Variants in CD101 observed in about 807,000 individuals in gnomAD.
The protein encoded by CD101 is immunoglobulin superfamily member 2.
A neutral mutation model predicts 98.2 loss-of-function variants in CD101; 76 were observed. The observed-to-expected ratio is 0.77, with a 90% CI of 0.64 to 0.94. The LOEUF (loss-of-function observed/expected upper bound fraction) is 0.94, where lower values mean the gene tolerates loss of function less well. Ranked by LOEUF, CD101 falls within the 40% of genes least tolerant of loss-of-function variation. The probability of loss-of-function intolerance (pLI) is 0.00; values close to 1 mark genes in which losing one functional copy is unlikely to be tolerated. For missense variants in CD101, 1,145 were observed against 1,218.8 expected, an observed-to-expected ratio of 0.94 and a Z score of 0.90; for synonymous variants, 471 against 472.7, an observed-to-expected ratio of 1.00 and a Z score of 0.05.
At chr1:117,029,186 A>AGAAAGAAG in intron 8 of CD101, among the ~76,000 whole-genome samples, 1 of 94,180 alleles carries the variant, frequency 1.1e-5, no homozygotes, top group Non-Finnish European at 2.1e-5. Flanking sequence ...AAAGAAAGAA[A>AGAAAGAAG]GAAAGAAAGA....
chr1:117,025,729 C>T lies in CD101; in HGVS notation c.2649C>T (p.His883=), dbSNP rs534163385. Reference sequence around the variant, plus strand: ...AAGAGGGGCTCAGGAGGCACCTGCACTGTTACCGTTCATCCTCTACAGACT... The same window carrying T: ...AAGAGGGGCTCAGGAGGCACCTGCATTGTTACCGTTCATCCTCTACAGACT... ...YGEEGLRRHL[H]CYRSSSTDFV... Residue 883 remains histidine (H), a synonymous_variant, in exon 8 of 10, where the codon CAC becomes CAT. Transcript: ENST00000682167. 414 of 1,614,198 alleles carry T rather than the reference C, an allele frequency of 2.6e-4. No homozygotes were observed. The highest frequency in any genetic ancestry group is 3.4e-4 in the Non-Finnish European group (400 of 1,180,044).
At chr1:117,017,570 G>C in intron 5 of CD101, 97 bp downstream of exon 5, 1 of 1,252,572 alleles carries the variant, frequency 8.0e-7, no homozygotes, top group Non-Finnish European at 1.1e-6. Flanking sequence ...CCCCAGTGAT[G>C]GTATGTGTAC....
intron 8 of CD101, among the ~76,000 whole-genome samples, chr1:117,030,632 T>G (rs56984207): frequency 0.029 from 4,416 of 152,288 alleles, 227 homozygotes; most frequent in African/African-American, 0.1. Flanking sequence ...CACATGGCAT[T>G]CAACAAATGC....
intron 1 of CD101, among the ~76,000 whole-genome samples, chr1:117,009,370 C>T (rs1652738337): frequency 6.6e-6 from 1 of 152,236 alleles, no homozygotes; most frequent in Non-Finnish European, 1.5e-5. Context: ...CAGATAGTTC[C>T]AACCAACCAG....
intron 1 of CD101, among the ~76,000 whole-genome samples, chr1:117,007,319 C>A (rs143008058): frequency 6.6e-6 from 1 of 152,052 alleles, no homozygotes; most frequent in African/African-American, 2.4e-5. Flanking sequence ...ACCATGCAAT[C>A]ACTTTCCTGA....
chr1:117,035,706 T>C (rs927395552), intron 9 of CD101, among the ~76,000 whole-genome samples: 4 of 151,970 alleles, frequency 2.6e-5, no homozygotes, highest in Non-Finnish European at 4.4e-5. Flanking sequence ...CCCGCCACCA[T>C]GCCTGGCTAA....
chr1:117,003,615 T>C (rs965221984), intron 1 of CD101, among the ~76,000 whole-genome samples: 1 of 152,236 alleles, frequency 6.6e-6, no homozygotes, highest in African/African-American at 2.4e-5. Flanking sequence ...GTTTACATTG[T>C]GCAATAATTC....
chr1:117,021,042 G>A lies in CD101; in HGVS notation c.2018-531G>A, dbSNP rs1434534959. On this transcript the variant is annotated intron_variant, in intron 6 of 9. Transcript: ENST00000682167. This position sits in a 1 kb window ranked among gnomAD's most constrained non-coding sequence, Gnocchi z 4.7. ...GACACACACAGTTTTAATCACTCAT[G>A]TACAACTTCCTTTTGTTTACCCACG... Among the ~76,000 whole-genome samples the A allele has an allele frequency of 6.6e-6, 1 of 152,176 alleles. No homozygotes were observed. The highest frequency in any genetic ancestry group is 1.5e-5 in the Non-Finnish European group (1 of 68,028).
intron 1 of CD101, among the ~76,000 whole-genome samples, chr1:117,003,932 C>T (rs76094317): frequency 0.02 from 3,056 of 152,218 alleles, 110 homozygotes; most frequent in African/African-American, 0.07. Context: ...ATTTAAATAA[C>T]GATCTATTGA....
Position 117,017,468 on chromosome 1 carries a change from C to G in CD101, c.1607C>G (p.Ser536Cys). ...WTQKISVTVK[S>C]LESSLQVSLM... ...CAGAAGATTTCAGTTACTGTAAAGT[C>G]TCTGGGTAAGTGTCAAAGGAAGTCC... Residue 536 changes from serine (S) to cysteine (C), a missense_variant, in exon 5 of 10, where the codon TCT becomes TGT. By Grantham distance (112) the Ser-to-Cys change is moderately radical (BLOSUM62 -1). Coordinates refer to ENST00000682167, the MANE Select transcript of CD101 (RefSeq NM_001256106.3). The G allele has an allele frequency of 1.2e-6, 2 of 1,607,212 alleles. No individual in the cohort carries two copies. The highest frequency in any genetic ancestry group is 1.3e-5 in the African/African-American group (1 of 74,916).
Position 117,018,507 on chromosome 1 carries a change from C to T in CD101, c.1964C>T (p.Pro655Leu). 1 of 1,612,506 alleles carries T rather than the reference C, an allele frequency of 6.2e-7. No homozygotes were observed. The highest frequency in any genetic ancestry group is 8.5e-7 in the Non-Finnish European group (1 of 1,178,640). ...YDRNSLYNNRPPRASAISHPL... is the reference protein window; with the variant it reads ...YDRNSLYNNRLPRASAISHPL... ...AGAAATTCCCTATACAACAACCGCC[C>T]CCCGAGGGCTTCTGCCATCTCTCAC... Residue 655 changes from proline (P) to leucine (L), a missense_variant, in exon 6 of 10, where the codon CCC becomes CTC. Coordinates refer to ENST00000682167, the MANE Select transcript of CD101 (RefSeq NM_001256106.3). The surrounding 1 kb of genome is among the most constrained non-coding windows in gnomAD (Gnocchi z 4.3).
At chr1:117,007,661 T>C (rs914851485) in intron 1 of CD101, among the ~76,000 whole-genome samples, 2 of 152,304 alleles carry the variant, frequency 1.3e-5, no homozygotes, top group Admixed American at 6.5e-5. Flanking sequence ...TCCTGCCTTT[T>C]TGCTAATGAT....
rs1652445724 is a variant in CD101, at chr1:117,004,951, G to A, written c.43+3091G>A. Among the ~76,000 whole-genome samples, 1 of 152,150 alleles carries A rather than the reference G, an allele frequency of 6.6e-6. No homozygotes were observed. The highest frequency in any genetic ancestry group is 2.1e-4 in the South Asian group (1 of 4,816). The stretch of plus-strand genomic sequence containing the variant: ...CTAAGATCAAGGCACTGGCAGTTTG[G>A]TGTCAGTGAGGGCCTGTTCCTCATA... On this transcript the variant is annotated intron_variant, in intron 1 of 9. Transcript: ENST00000682167. This position sits in a 1 kb window ranked among gnomAD's most constrained non-coding sequence, Gnocchi z 4.1.
intron 4 of CD101, among the ~76,000 whole-genome samples, chr1:117,015,103 T>C (rs141286679): frequency 1.0e-3 from 153 of 152,034 alleles, no homozygotes; most frequent in African/African-American, 3.5e-3. Context: ...AATAGTTCTT[T>C]GTATAGGCTG....
chr1:117,004,624 G>T lies in CD101; in HGVS notation c.43+2764G>T, dbSNP rs1047026065. Among the ~76,000 whole-genome samples, 21 of 152,140 alleles carry T rather than the reference G, an allele frequency of 1.4e-4. No individual in the cohort carries two copies. The highest frequency in any genetic ancestry group is 5.1e-4 in the African/African-American group (21 of 41,426). On this transcript the variant is annotated intron_variant, in intron 1 of 9. Coordinates refer to ENST00000682167, the MANE Select transcript of CD101 (RefSeq NM_001256106.3). The surrounding 1 kb of genome is among the most constrained non-coding windows in gnomAD (Gnocchi z 4.1). ...CATTAAAAGAGAGAGCAAGAGGGCA[G>T]TCCTCACAGGTGTTTTTCGGAGGGT...
chr1:117,033,873 T>G lies in CD101; in HGVS notation c.2838T>G (p.Pro946=). Residue 946 remains proline (P), a synonymous_variant, in exon 9 of 10, where the codon CCT becomes CCG. Coordinates refer to ENST00000682167, the MANE Select transcript of CD101 (RefSeq NM_001256106.3). The surrounding 1 kb of genome is among the most constrained non-coding windows in gnomAD (Gnocchi z 4.8). ...CCTTCGTTGCAGAGCCCACGCTTCCTTCCAGGATCTGCTCCTCGGCCCCTT... is the reference window on the plus strand; with the variant it reads ...CCTTCGTTGCAGAGCCCACGCTTCCGTCCAGGATCTGCTCCTCGGCCCCTT... The part of the protein sequence containing the change: ...LTVLPSEPTL[P]SRICSSAPLL... The G allele has an allele frequency of 1.2e-6, 2 of 1,614,228 alleles. No homozygotes were observed. Among genetic ancestry groups the G allele is most frequent in the Non-Finnish European group, 1.7e-6 (2 of 1,180,024 alleles).
intron 4 of CD101, among the ~76,000 whole-genome samples, chr1:117,016,201 T>TA (rs201662611): frequency 0.015 from 2,165 of 147,758 alleles, 21 homozygotes; most frequent in South Asian, 0.024. Flanking sequence ...TATATATATA[T>TA]TTATTTATAT....
rs1489608751 is a variant in CD101, at chr1:117,012,750, A to C, written c.842-656A>C. 6.6e-6 allele frequency among the ~76,000 whole-genome samples: 1 copy of C among 152,156 alleles called. No homozygotes were observed. The highest frequency in any genetic ancestry group is 1.5e-5 in the Non-Finnish European group (1 of 68,038). ...ATCTTTTGGCATTTTTGTCAAAGCAAGTATAAAGGCCTTGTCTGTGATTCC... is the reference window on the plus strand; with the variant it reads ...ATCTTTTGGCATTTTTGTCAAAGCACGTATAAAGGCCTTGTCTGTGATTCC... On this transcript the variant is annotated intron_variant, in intron 3 of 9. Coordinates refer to ENST00000682167, the MANE Select transcript of CD101 (RefSeq NM_001256106.3). The surrounding 1 kb of genome is among the most constrained non-coding windows in gnomAD (Gnocchi z 4.0).
chr1:117,022,347 C>T lies in CD101; in HGVS notation c.2428+364C>T, dbSNP rs771026933. 6.6e-6 allele frequency among the ~76,000 whole-genome samples: 1 copy of T among 152,140 alleles called. No individual in the cohort carries two copies. Among genetic ancestry groups the T allele is most frequent in the Non-Finnish European group, 1.5e-5 (1 of 68,038 alleles). On this transcript the variant is annotated intron_variant, in intron 7 of 9. Coordinates refer to ENST00000682167, the MANE Select transcript of CD101 (RefSeq NM_001256106.3). This position sits in a 1 kb window ranked among gnomAD's most constrained non-coding sequence, Gnocchi z 4.8. ...GTAATTTGGCAGAGAAAGAGTAATA[C>T]GAAGCATATTTCTCCCACTGTGAAC...
Sources: gnomAD v4.1 joint callset for allele counts (sites outside exome capture counted in the v4.1 genomes callset) on GRCh38, gnomAD v4.1.1 for gene constraint, Gnocchi (gnomAD v3.1) non-coding constraint, MANE v1.5 for transcripts, NCBI Gene and HGNC (gene_info 2026-07-23, HGNC 2026-07-21) for gene names.